ARHGAP6: variants seen among roughly 807,000 people sequenced by gnomAD.
ARHGAP6 encodes Rho GTPase activating protein 6.
A neutral mutation model predicts 55.7 loss-of-function variants in ARHGAP6; 16 were observed. The observed-to-expected ratio is 0.29, with a 90% CI of 0.19 to 0.44. The LOEUF (loss-of-function observed/expected upper bound fraction) is 0.44. Ranked by LOEUF, ARHGAP6 falls within the 20% of genes least tolerant of loss-of-function variation. ARHGAP6 has a pLI of 1.00. For synonymous variants in ARHGAP6, 382 were observed against 360.9 expected (o/e 1.06, Z -0.66); for missense variants, 698 against 808.9 (o/e 0.86, Z 1.66).
Position 11,590,781 on chromosome X carries a change from G to GAA in ARHGAP6, c.588+73458_588+73459dup, listed in dbSNP as rs1569410678. Among the ~76,000 whole-genome samples the GAA allele has an allele frequency of 1.5e-4, 2 of 13,276 alleles. 1 individual carries two copies. The highest frequency in any genetic ancestry group is 2.3e-4 in the Non-Finnish European group (2 of 8,525). 11.5% of individuals were successfully genotyped at this position (13,276 alleles called of 115,157 possible). ...ACAGAGTGAGACTCCATCTCGAAAAGAAAAGAAAAGAAAAGAAAAGAAAAG... is the reference window on the plus strand; with the variant it reads ...ACAGAGTGAGACTCCATCTCGAAAAGAAAAAAGAAAAGAAAAGAAAAGAAAAG... On this transcript the variant is annotated intron_variant, in intron 1 of 12. Coordinates refer to ENST00000337414, the MANE Select transcript of ARHGAP6 (RefSeq NM_013427.3).
intron 1 of ARHGAP6, among the ~76,000 whole-genome samples, chrX:11,480,298 C>A (rs1046536243): frequency 1.8e-5 from 2 of 111,146 alleles, no homozygotes; most frequent in African/African-American, 6.6e-5. Context: ...CATGGATGAA[C>A]CTTAAAAACA....
chrX:11,646,214 T>C (rs1462499678), intron 1 of ARHGAP6, among the ~76,000 whole-genome samples: 1 of 111,583 alleles, frequency 9.0e-6, no homozygotes, highest in Non-Finnish European at 1.9e-5. Flanking sequence ...ATCACCTCCA[T>C]GATCCAACCA....
chrX:11,600,756 T>C lies in ARHGAP6; in HGVS notation c.588+63485A>G, dbSNP rs753997541. Among the ~76,000 whole-genome samples the C allele has an allele frequency of 4.5e-5, 5 of 111,675 alleles. No homozygotes were observed. The South Asian group carries it at 1.9e-3, about 42-fold the overall frequency. ...AGCCCAGTGGGCAAGCATATGAGTG[T>C]ATGGAGTTTATTTTGCTGATGTTCC... On this transcript the variant is annotated intron_variant, in intron 1 of 12. Coordinates refer to ENST00000337414, the MANE Select transcript of ARHGAP6 (RefSeq NM_013427.3).
At chrX:11,528,448 G>C (rs2051013640) in intron 1 of ARHGAP6, among the ~76,000 whole-genome samples, 1 of 111,922 alleles carries the variant, frequency 8.9e-6, no homozygotes, top group Admixed American at 9.5e-5. Flanking sequence ...CCCAGATGCT[G>C]TGTAGATTCT....
chrX:11,212,470 A>T (rs2046818141), intron 2 of ARHGAP6, among the ~76,000 whole-genome samples: 1 of 112,421 alleles, frequency 8.9e-6, no homozygotes, highest in Non-Finnish European at 1.9e-5. Flanking sequence ...GTTGACGGTG[A>T]TGTTATTCAG....
In ARHGAP6 at chrX:11,386,289, C is replaced by A. The variant is rs779140548; in HGVS notation, c.589-131582G>T. ...CAATTTATGATTTATTTTAGAAGAA[C>A]TAACTGAGGAAACAAGATGAAAGTT... On this transcript the variant is annotated intron_variant, in intron 1 of 12. Transcript: ENST00000337414. 9.7e-5 allele frequency among the ~76,000 whole-genome samples: 11 copies of A among 113,163 alleles called. No individual in the cohort carries two copies. The Admixed American group carries it at 1.0e-3, about 11-fold the overall frequency.
chrX:11,598,212 G>A (rs1338790402), intron 1 of ARHGAP6, among the ~76,000 whole-genome samples: 4 of 111,903 alleles, frequency 3.6e-5, no homozygotes, highest in Non-Finnish European at 7.5e-5. Context: ...AGTGGACCTG[G>A]TGCCCTTCAC....
intron 1 of ARHGAP6, among the ~76,000 whole-genome samples, chrX:11,313,581 A>G (rs2048324230): frequency 8.9e-6 from 1 of 112,035 alleles, no homozygotes; most frequent in African/African-American, 3.2e-5. Flanking sequence ...TCTGATATTA[A>G]TGTTTCCTGG....
chrX:11,381,126 C>T (rs12011298), intron 1 of ARHGAP6, among the ~76,000 whole-genome samples: 14 of 112,322 alleles, frequency 1.2e-4, no homozygotes, highest in Admixed American at 4.7e-4. Context: ...CAGTCCATAG[C>T]GGTTCCTGAG....
chrX:11,214,723 T>C (rs1392953574), intron 2 of ARHGAP6, among the ~76,000 whole-genome samples: 1 of 113,157 alleles, frequency 8.8e-6, no homozygotes, highest in Admixed American at 9.2e-5. Flanking sequence ...ACCACCCACA[T>C]GTGCACTGAG....
rs756194704 is a variant in ARHGAP6, at chrX:11,630,138, T to C, written c.588+34103A>G. 2.7e-5 allele frequency among the ~76,000 whole-genome samples: 3 copies of C among 111,405 alleles called. No individual in the cohort carries two copies. In the East Asian group the frequency reaches 8.4e-4, roughly 31 times the overall value. On this transcript the variant is annotated intron_variant, in intron 1 of 12. Coordinates refer to ENST00000337414, the MANE Select transcript of ARHGAP6 (RefSeq NM_013427.3). ...TTGGGATAGGATCAACAAAAATGTA[T>C]TACCAAATATATATATATGATAGAT...
chrX:11,402,251 C>T (rs746657028), intron 1 of ARHGAP6, among the ~76,000 whole-genome samples: 1 of 111,782 alleles, frequency 8.9e-6, no homozygotes, highest in Non-Finnish European at 1.9e-5. Context: ...TTGTCTGTCT[C>T]GTTTTAAAGA....
At chrX:11,332,888 T>C (rs983149762) in intron 1 of ARHGAP6, among the ~76,000 whole-genome samples, 2 of 111,973 alleles carry the variant, frequency 1.8e-5, no homozygotes, top group Non-Finnish European at 3.8e-5. Context: ...ACAGAACAGT[T>C]TCATTGCCAC....
Position 11,190,127 on chromosome X carries a change from C to G in ARHGAP6, c.821-1143G>C, listed in dbSNP as rs375868082. 3.6e-5 allele frequency among the ~76,000 whole-genome samples: 4 copies of G among 111,998 alleles called. No homozygotes were observed. In the East Asian group the frequency reaches 1.1e-3, roughly 31 times the overall value. On this transcript the variant is annotated intron_variant, in intron 3 of 12. Transcript: ENST00000337414. Reference sequence around the variant, plus strand: ...CCTTGATCCATGGCAATATTTCAAACATCACTGGGCTAATGACCAAGTCTA... The same window carrying G: ...CCTTGATCCATGGCAATATTTCAAAGATCACTGGGCTAATGACCAAGTCTA...
At chrX:11,653,005 G>A (rs1158958506) in intron 1 of ARHGAP6, among the ~76,000 whole-genome samples, 2 of 111,854 alleles carry the variant, frequency 1.8e-5, no homozygotes, top group African/African-American at 3.3e-5. Flanking sequence ...GTGCTGCTGC[G>A]TTTTTACCCT....
chrX:11,590,816 GA>G (rs1261681427), intron 1 of ARHGAP6, among the ~76,000 whole-genome samples: 1 of 26,697 alleles, frequency 3.7e-5, no homozygotes, highest in African/African-American at 2.1e-4. Context: ...GAAAAGAAAA[GA>G]AAAGAAAAGA....
intron 1 of ARHGAP6, among the ~76,000 whole-genome samples, chrX:11,527,796 A>T (rs989561132): frequency 5.3e-5 from 6 of 112,195 alleles, no homozygotes; most frequent in African/African-American, 1.9e-4. Flanking sequence ...TGTCCCAAAT[A>T]TTGCATGGTT....
Position 11,664,396 on chromosome X carries a change from C to T in ARHGAP6, c.433G>A (p.Gly145Arg). ...GAAGCGCTTCGGCTACTGGCTGGCC[C>T]GGCCAGGACAGAAGGCAGGTCCCAG... ...MAWDLPSVLA[G>R]PASSRSASSI... The change falls in exon 1 of 13, where the codon GGG becomes AGG. Residue 145 changes from glycine to arginine, a missense_variant. Transcript: ENST00000337414. 5.0e-6 allele frequency: 6 copies of T among 1,211,925 alleles called. No homozygotes were observed. Among genetic ancestry groups the T allele is most frequent in the Non-Finnish European group, 6.7e-6 (6 of 895,482 alleles).
At chrX:11,245,703 G>T (rs1432437559) in intron 2 of ARHGAP6, among the ~76,000 whole-genome samples, 1 of 111,773 alleles carries the variant, frequency 8.9e-6, no homozygotes, top group Non-Finnish European at 1.9e-5. Flanking sequence ...GGATAGGAGA[G>T]AATATTATAA....
Sources: allele counts gnomAD v4.1 joint callset (sites outside exome capture counted in the v4.1 genomes callset), GRCh38; gene constraint gnomAD v4.1.1; transcripts MANE v1.5; gene names NCBI Gene and HGNC (gene_info 2026-07-23, HGNC 2026-07-21).